SETBP1: variants seen among roughly 807,000 people sequenced by gnomAD.
SETBP1 encodes the protein SET-binding protein.
In SETBP1, 9 loss-of-function variants were observed where a neutral mutation model predicts 101.0. That is an observed-to-expected ratio of 0.09 (90% CI 0.05 to 0.16). The LOEUF (loss-of-function observed/expected upper bound fraction) is 0.16, where lower values mean the gene tolerates loss of function less well. Among genes scored for constraint, SETBP1 ranks in the 10% least tolerant of loss-of-function variants. The pLI, the probability that SETBP1 is intolerant of heterozygous loss-of-function variation, is 1.00. For missense variants in SETBP1, 1,858 were observed against 2,033.8 expected (o/e 0.91, Z 1.66); for synonymous variants, 818 against 788.5 (o/e 1.04, Z -0.63).
intron 2 of SETBP1, among the ~76,000 whole-genome samples, chr18:44,815,747 A>G (rs1159376814): frequency 1.3e-5 from 2 of 152,196 alleles, no homozygotes; most frequent in African/African-American, 4.8e-5. Context: ...TTGAAATTCC[A>G]ACACATTGTT....
At chr18:44,923,221 G>A (rs1185596083) in intron 3 of SETBP1, among the ~76,000 whole-genome samples, 1 of 152,178 alleles carries the variant, frequency 6.6e-6, no homozygotes, top group Non-Finnish European at 1.5e-5. Flanking sequence ...GACCTTCTGG[G>A]CATTTGAAGA....
intron 3 of SETBP1, among the ~76,000 whole-genome samples, chr18:44,935,749 G>A (rs1470390200): frequency 6.6e-6 from 1 of 152,178 alleles, no homozygotes; most frequent in Non-Finnish European, 1.5e-5. Flanking sequence ...CCATAAACAA[G>A]CATGGGAAAT....
intron 2 of SETBP1, among the ~76,000 whole-genome samples, chr18:44,711,447 CCTTT>C (rs1163726117): frequency 7.2e-6 from 1 of 138,486 alleles, no homozygotes; most frequent in Non-Finnish European, 1.5e-5. Flanking sequence ...TCCCTTCCTT[CCTTT>C]CTTCCTCTCC....
intron 4 of SETBP1, among the ~76,000 whole-genome samples, chr18:45,034,036 T>C (rs2073348017): frequency 6.6e-6 from 1 of 152,134 alleles, no homozygotes; most frequent in Non-Finnish European, 1.5e-5. Flanking sequence ...TTCTCTAAGG[T>C]GAGGCTGGTT....
intron 2 of SETBP1, among the ~76,000 whole-genome samples, chr18:44,813,850 G>A (rs1466597214): frequency 1.3e-5 from 2 of 152,152 alleles, no homozygotes; most frequent in Non-Finnish European, 2.9e-5. Context: ...TCTGGACATG[G>A]GAACACTGAT....
intron 2 of SETBP1, among the ~76,000 whole-genome samples, chr18:44,843,856 C>G (rs2144542367): frequency 6.6e-6 from 1 of 152,290 alleles, no homozygotes; most frequent in Non-Finnish European, 1.5e-5. Context: ...CAGGACCAAA[C>G]CACCACAATT....
intron 3 of SETBP1, among the ~76,000 whole-genome samples, chr18:44,896,721 G>T (rs1382714724): frequency 6.6e-6 from 1 of 152,098 alleles, no homozygotes; most frequent in East Asian, 1.9e-4. Flanking sequence ...GCCTCCCAAA[G>T]TGCTGGGATT....
intron 3 of SETBP1, among the ~76,000 whole-genome samples, chr18:44,912,628 A>G (rs1430637648): frequency 6.6e-6 from 1 of 152,114 alleles, no homozygotes; most frequent in East Asian, 1.9e-4. Context: ...CGTGTTTGCC[A>G]GGATGGTCTC....
intron 2 of SETBP1, among the ~76,000 whole-genome samples, chr18:44,765,107 A>G (rs2070737003): frequency 6.6e-6 from 1 of 152,188 alleles, no homozygotes. Context: ...TTGGGTTGAG[A>G]CCAGGTTTTG....
intron 2 of SETBP1, among the ~76,000 whole-genome samples, chr18:44,783,403 G>A (rs1196036177): frequency 6.6e-6 from 1 of 152,100 alleles, no homozygotes; most frequent in Non-Finnish European, 1.5e-5. Flanking sequence ...CAGAAGAAAA[G>A]GAAGGAAATC....
In SETBP1 at chr18:44,978,066, T is replaced by C. The variant is rs140262917; in HGVS notation, c.4000+24726T>C. 3.8e-3 allele frequency among the ~76,000 whole-genome samples: 581 copies of C among 152,188 alleles called. 1 individual carries two copies. The highest frequency in any genetic ancestry group is 6.1e-3 in the Non-Finnish European group (415 of 68,016). On this transcript the variant is annotated intron_variant, in intron 4 of 5. Transcript: ENST00000649279. ...CCGAAAACAGATCCATCCTCCCACC[T>C]CAGCCAGCCAGGGTTGCAACCAGCC...
intron 4 of SETBP1, among the ~76,000 whole-genome samples, chr18:44,954,209 TC>T (rs1274245215): frequency 6.6e-5 from 10 of 152,042 alleles, no homozygotes; most frequent in African/African-American, 2.4e-4. Context: ...GCCTCACATT[TC>T]TGCAAAAGTA....
At chr18:44,709,544 C>T (rs531941226) in intron 2 of SETBP1, among the ~76,000 whole-genome samples, 47 of 152,302 alleles carry the variant, frequency 3.1e-4, no homozygotes, top group African/African-American at 1.1e-3. Context: ...GTTGATGTCA[C>T]TGTGGTGAGG....
At chr18:44,810,241 G>A (rs900201499) in intron 2 of SETBP1, among the ~76,000 whole-genome samples, 1 of 152,190 alleles carries the variant, frequency 6.6e-6, no homozygotes, top group Admixed American at 6.5e-5. Flanking sequence ...TTTGAGAATC[G>A]ATAGTACTGG....
intron 2 of SETBP1, among the ~76,000 whole-genome samples, chr18:44,834,679 A>G (rs1210412494): frequency 6.6e-6 from 1 of 152,246 alleles, no homozygotes; most frequent in Admixed American, 6.5e-5. Flanking sequence ...GTCAAATGTC[A>G]GGAGATGTGG....
chr18:45,066,441 T>C lies in SETBP1; in HGVS notation c.*2743T>C, dbSNP rs1350094823. 3 of 152,232 alleles carry C rather than the reference T, an allele frequency of 2.0e-5. No homozygotes were observed. Among genetic ancestry groups the C allele is most frequent in the Non-Finnish European group, 1.5e-5 (1 of 68,054 alleles). 9.4% of individuals were successfully genotyped at this position (152,232 alleles called of 1,614,324 possible). A position where few individuals can be genotyped will look rare whatever the true frequency, so the allele number is the denominator to read the frequency against. On this transcript the variant is annotated 3_prime_UTR_variant, in exon 6 of 6. Coordinates refer to ENST00000649279, the MANE Select transcript of SETBP1 (RefSeq NM_015559.3). Reference sequence around the variant, plus strand: ...CCCAGTTCCTCCCTCAGTATCACATTATTTTTTTCTTCTGCTTTTCATTAA... The same window carrying C: ...CCCAGTTCCTCCCTCAGTATCACATCATTTTTTTCTTCTGCTTTTCATTAA...
intron 2 of SETBP1, among the ~76,000 whole-genome samples, chr18:44,772,454 G>A (rs927524616): frequency 6.6e-6 from 1 of 152,178 alleles, no homozygotes; most frequent in African/African-American, 2.4e-5. Flanking sequence ...GCCCAGCAGG[G>A]ACTGGGAACC....
intron 2 of SETBP1, among the ~76,000 whole-genome samples, chr18:44,765,349 A>G (rs1481167437): frequency 6.6e-6 from 1 of 152,120 alleles, no homozygotes; most frequent in Non-Finnish European, 1.5e-5. Flanking sequence ...CTTTGGAACA[A>G]GATAGCGACA....
intron 2 of SETBP1, among the ~76,000 whole-genome samples, chr18:44,742,947 TTCTCTCTC>T (rs756180174): frequency 6.9e-6 from 1 of 144,542 alleles, no homozygotes; most frequent in East Asian, 2.0e-4. Flanking sequence ...CTCTCCCTCC[TTCTCTCTC>T]TCTCTCTCTC....
Sources: allele counts gnomAD v4.1 joint callset (sites outside exome capture counted in the v4.1 genomes callset), GRCh38; gene constraint gnomAD v4.1.1; transcripts MANE v1.5; gene names NCBI Gene and HGNC (gene_info 2026-07-23, HGNC 2026-07-21).